ZNF577: variants seen among roughly 807,000 people sequenced by gnomAD.
The protein encoded by ZNF577 is zinc finger protein 577.
A neutral mutation model predicts 13.9 loss-of-function variants in ZNF577; 14 were observed. The observed-to-expected ratio is 1.00, with a 90% CI of 0.66 to 1.57. The LOEUF is 1.57. Ranked by LOEUF, ZNF577 falls within the 40% of genes most tolerant of loss-of-function variation. The probability of loss-of-function intolerance (pLI) is 0.00; values close to 1 mark genes in which losing one functional copy is unlikely to be tolerated. For missense variants in ZNF577, 555 were observed against 579.2 expected (o/e 0.96, Z 0.43); for synonymous variants, 203 against 202.9 (o/e 1.00, Z 0.00).
chr19:51,847,206 T>C lies in ZNF577; in HGVS notation c.284-2275A>G, dbSNP rs1338972629. Among the ~76,000 whole-genome samples, 6 of 152,340 alleles carry C rather than the reference T, an allele frequency of 3.9e-5. No individual in the cohort carries two copies. The East Asian group carries it at 1.2e-3, about 29-fold the overall frequency. ...TCATGAATTTTGGTTGTACAGGTTA[T>C]CATATTGCTATTCTTTCGAGTTTTC... On this transcript the variant is annotated intron_variant and NMD_transcript_variant, in intron 5 of 10. Coordinates refer to the ZNF577 transcript ENST00000638827.
At chr19:51,866,908 G>C (rs2084571035), downstream of ZNF577, among the ~76,000 whole-genome samples, 1 of 152,066 alleles carries the variant, frequency 6.6e-6, no homozygotes, top group African/African-American at 2.4e-5. Flanking sequence ...TGGAACCCAA[G>C]AGGCAGAGGT....
At chr19:51,877,241 C>T (rs372025227) in intron 5 of ZNF577, 41 bp downstream of exon 5, 3 of 1,552,178 alleles carry the variant, frequency 1.9e-6, no homozygotes, top group Non-Finnish European at 1.8e-6. Flanking sequence ...CTGGGATTTG[C>T]ATGCCATTTC....
intron 5 of ZNF577, among the ~76,000 whole-genome samples, chr19:51,875,851 C>T (rs1489953368): frequency 4.6e-5 from 7 of 152,212 alleles, no homozygotes; most frequent in African/African-American, 1.7e-4. Flanking sequence ...CCTCTACTAC[C>T]ATGGCCTACT....
intron 9 of ZNF577, among the ~76,000 whole-genome samples, chr19:51,826,690 G>C (rs2084233874): frequency 6.6e-6 from 1 of 152,182 alleles, no homozygotes; most frequent in Admixed American, 6.5e-5. Flanking sequence ...CTGGCCACAT[G>C]GATGAACTGG....
chr19:51,877,651 C>T, intron 4 of ZNF577: 1 of 299,710 alleles, frequency 3.3e-6, no homozygotes, highest in Non-Finnish European at 6.2e-6. Context: ...AACTGGGACC[C>T]TGTGTACTCT....
At position 51,856,775 on chromosome 19, in the gene ZNF577, T is replaced by C. The variant is rs148890253; in HGVS notation, c.284-11844A>G. Reference sequence around the variant, plus strand: ...TCGGGGGGCTGAGGGAGGGATAATATACTGCATGAAAGGTGGTAGTATATT... The same window carrying C: ...TCGGGGGGCTGAGGGAGGGATAATACACTGCATGAAAGGTGGTAGTATATT... On this transcript the variant is annotated intron_variant and NMD_transcript_variant, in intron 5 of 10. Coordinates refer to the ZNF577 transcript ENST00000638827. 2.0e-4 allele frequency among the ~76,000 whole-genome samples: 30 copies of C among 152,238 alleles called. No individual in the cohort carries two copies. In the East Asian group the frequency reaches 5.6e-3, roughly 28 times the overall value.
chr19:51,863,780 G>A (rs2084529690), downstream of ZNF577, among the ~76,000 whole-genome samples: 1 of 152,170 alleles, frequency 6.6e-6, no homozygotes, highest in Admixed American at 6.5e-5. Flanking sequence ...ATGTAAAAGA[G>A]ATAAACAGTG....
intron 9 of ZNF577, among the ~76,000 whole-genome samples, chr19:51,821,401 G>C (rs574495888): frequency 6.6e-6 from 1 of 152,290 alleles, no homozygotes; most frequent in East Asian, 1.9e-4. Flanking sequence ...CCTGAAGGGG[G>C]AGTTGCTACT....
chr19:51,823,884 C>T (rs778298008), intron 9 of ZNF577: 2 of 1,614,110 alleles, frequency 1.2e-6, no homozygotes, highest in South Asian at 1.1e-5. Context: ...GGGCAATGGG[C>T]TTGTGATCTG....
chr19:51,876,352 A>G (rs980021823), intron 5 of ZNF577, among the ~76,000 whole-genome samples: 1 of 152,018 alleles, frequency 6.6e-6, no homozygotes, highest in Non-Finnish European at 1.5e-5. Context: ...TGCAGATGAG[A>G]CGTTAGTAGC....
chr19:51,873,790 A>C, intron 5 of ZNF577, 84 bp from the exon 6 acceptor site: 1 of 1,069,352 alleles, frequency 9.4e-7, no homozygotes, highest in Non-Finnish European at 1.3e-6. Context: ...ACATAAACCA[A>C]ACTTATTTCC....
At chr19:51,845,974 G>A (rs1298880042) in intron 5 of ZNF577, among the ~76,000 whole-genome samples, 2 of 152,034 alleles carry the variant, frequency 1.3e-5, no homozygotes, top group African/African-American at 4.8e-5. Flanking sequence ...ATTTCCTTTC[G>A]ATATGTGCCC....
intron 9 of ZNF577, among the ~76,000 whole-genome samples, chr19:51,834,466 TA>T (rs2122525127): frequency 6.6e-6 from 1 of 152,352 alleles, no homozygotes; most frequent in East Asian, 1.9e-4. Flanking sequence ...TCTAAGGCTT[TA>T]AATTATACTA....
rs1281201987 is a variant in ZNF577, at chr19:51,871,603, T to C, written c.*929A>G. On this transcript the variant is annotated 3_prime_UTR_variant, in exon 6 of 6. Coordinates refer to ENST00000638348, the MANE Select transcript of ZNF577 (RefSeq NM_001370449.1). ...ATCATAGCATAAGATTCTCTGATTA[T>C]AGAATAAAATCTTAACATACTTGCC... 1 of 152,180 alleles carries C rather than the reference T, an allele frequency of 6.6e-6. No individual in the cohort carries two copies. Among genetic ancestry groups the C allele is most frequent in the Non-Finnish European group, 1.5e-5 (1 of 68,034 alleles). 9.4% of individuals were successfully genotyped at this position (152,180 alleles called of 1,614,324 possible). A position where few individuals can be genotyped will look rare whatever the true frequency, so the allele number is the denominator to read the frequency against.
rs1459960707 is a variant in ZNF577 at position 51,872,484 on chromosome 19, T to C, written c.*48A>G. 3.5e-6 allele frequency: 5 copies of C among 1,437,256 alleles called. No homozygotes were observed. The highest frequency in any genetic ancestry group is 4.6e-6 in the Non-Finnish European group (5 of 1,079,542). The allele number at this position is 1,437,256 out of a possible 1,614,324, so 89.0% of individuals were successfully genotyped here. On this transcript the variant is annotated 3_prime_UTR_variant, in exon 6 of 6. Coordinates refer to ENST00000638348, the MANE Select transcript of ZNF577 (RefSeq NM_001370449.1). ...AATGAGCTCTCTGGGATATAATGGC[T>C]GGAGGATTCCTACTAAAGATTTTCC...
chr19:51,853,641 G>A (rs2084390997), intron 5 of ZNF577, among the ~76,000 whole-genome samples: 2 of 152,172 alleles, frequency 1.3e-5, no homozygotes, highest in African/African-American at 4.8e-5. Context: ...CTGGCCATAT[G>A]ATCTTTAAAG....
chr19:51,859,611 A>C (rs2084475577), intron 5 of ZNF577, among the ~76,000 whole-genome samples: 1 of 152,166 alleles, frequency 6.6e-6, no homozygotes, highest in African/African-American at 2.4e-5. Context: ...AGGCTCTAGA[A>C]AAATGTAAAC....
At chr19:51,834,803 C>T (rs2084280137) in intron 9 of ZNF577, among the ~76,000 whole-genome samples, 1 of 152,128 alleles carries the variant, frequency 6.6e-6, no homozygotes, top group South Asian at 2.1e-4. Flanking sequence ...CCTGCCTCAG[C>T]CTCCTGAATG....
downstream of ZNF577, among the ~76,000 whole-genome samples, chr19:51,864,677 G>C (rs2084540147): frequency 6.6e-6 from 1 of 152,184 alleles, no homozygotes; most frequent in Non-Finnish European, 1.5e-5. Context: ...CTTGAAGTTT[G>C]AGTTAGCTAT....
Sources: allele counts gnomAD v4.1 joint callset (sites outside exome capture counted in the v4.1 genomes callset), GRCh38; gene constraint gnomAD v4.1.1; transcripts MANE v1.5; gene names NCBI Gene and HGNC (gene_info 2026-07-23, HGNC 2026-07-21).